The following CDH9 variants were observed in gnomAD, a reference collection of about 807,000 sequenced individuals.
The protein encoded by CDH9 is cadherin-9.
In CDH9, 28 loss-of-function variants were observed where a neutral mutation model predicts 70.9. That is an observed-to-expected ratio of 0.40 (90% CI 0.29 to 0.54). CDH9 has a LOEUF of 0.54. Among genes scored for constraint, CDH9 ranks in the 20% least tolerant of loss-of-function variants. The pLI, the probability that CDH9 is intolerant of heterozygous loss-of-function variation, is 0.59. For missense variants in CDH9, 874 were observed against 984.4 expected (o/e 0.89, Z 1.50); for synonymous variants, 409 against 343.1 (o/e 1.19, Z -2.12).
rs62346445 is a variant in CDH9 at position 26,960,062 on chromosome 5, A to T, written c.228+28044T>A. Among the ~76,000 whole-genome samples the T allele has an allele frequency of 2.0e-3, 307 of 152,064 alleles. 2 individuals are homozygous for T. The highest frequency in any genetic ancestry group is 4.6e-3 in the South Asian group (22 of 4,820). On this transcript the variant is annotated intron_variant, in intron 2 of 11. Coordinates refer to ENST00000231021, the MANE Select transcript of CDH9 (RefSeq NM_016279.4). ...AAATTTATGTAACATAGGAATTTGG[A>T]TCGTCTTTAATTCTTTTTCTCTTCT... is the stretch of plus-strand genomic sequence containing the variant.
intron 1 of CDH9, among the ~76,000 whole-genome samples, chr5:27,036,229 G>C (rs1361521511): frequency 6.6e-6 from 1 of 151,766 alleles, no homozygotes; most frequent in Non-Finnish European, 1.5e-5. Flanking sequence ...ATCTTACTTG[G>C]TGAATGTACC....
rs532919172 is a variant in CDH9, at chr5:26,903,097, T to A, written c.1000-368A>T. ...ATAAAATAGAAGTATAGAATAAAAATTATTTCTACTTCAATTATTTGAGCA... is the reference window on the plus strand; with the variant it reads ...ATAAAATAGAAGTATAGAATAAAAAATATTTCTACTTCAATTATTTGAGCA... On this transcript the variant is annotated intron_variant, in intron 6 of 11. Coordinates refer to ENST00000231021, the MANE Select transcript of CDH9 (RefSeq NM_016279.4). 1.4e-4 allele frequency: 27 copies of A among 193,150 alleles called. No individual in the cohort carries two copies. The South Asian group carries it at 2.5e-3, about 18-fold the overall frequency. The allele number at this position is 193,150 out of a possible 1,614,324, so 12.0% of individuals were successfully genotyped here. A position where few individuals can be genotyped will look rare whatever the true frequency, so the allele number is the denominator to read the frequency against.
At chr5:26,883,095 A>ATATATATATAT (rs1491220387) in intron 11 of CDH9, among the ~76,000 whole-genome samples, 1 of 123,688 alleles carries the variant, frequency 8.1e-6, no homozygotes, top group African/African-American at 3.3e-5. Context: ...ATATATATAT[A>ATATATATATAT]AAACTGCAGT....
chr5:26,998,818 TCAC>T (rs1170523700), intron 1 of CDH9, among the ~76,000 whole-genome samples: 1 of 152,160 alleles, frequency 6.6e-6, no homozygotes, highest in Non-Finnish European at 1.5e-5. Flanking sequence ...GTATTCAATT[TCAC>T]CACATCCTAC....
intron 2 of CDH9, among the ~76,000 whole-genome samples, chr5:26,948,586 A>G (rs1209970840): frequency 1.3e-5 from 2 of 152,184 alleles, no homozygotes; most frequent in African/African-American, 4.8e-5. Context: ...GAGAGAATGC[A>G]TTTACAAGTT....
chr5:26,997,989 T>C (rs945797074), intron 1 of CDH9, among the ~76,000 whole-genome samples: 2 of 152,136 alleles, frequency 1.3e-5, no homozygotes, highest in African/African-American at 4.8e-5. Flanking sequence ...TGAGCCACCA[T>C]GCCTGATTGG....
At chr5:26,949,009 A>C (rs1242142308) in intron 2 of CDH9, among the ~76,000 whole-genome samples, 1 of 152,212 alleles carries the variant, frequency 6.6e-6, no homozygotes, top group Non-Finnish European at 1.5e-5. Context: ...CTTGCCTTAA[A>C]TACATTCTTT....
At chr5:26,980,040 T>C (rs1262452964) in intron 2 of CDH9, among the ~76,000 whole-genome samples, 2 of 151,860 alleles carry the variant, frequency 1.3e-5, no homozygotes, top group Non-Finnish European at 3.0e-5. Flanking sequence ...TTCCTAAGAA[T>C]ACTATACCCA....
intron 1 of CDH9, among the ~76,000 whole-genome samples, chr5:27,004,196 T>C (rs1020395517): frequency 2.0e-5 from 3 of 150,848 alleles, no homozygotes; most frequent in Non-Finnish European, 4.4e-5. Context: ...TGAGACATGA[T>C]GATATCAATG....
At chr5:26,994,794 C>T (rs1294513179) in intron 1 of CDH9, among the ~76,000 whole-genome samples, 2 of 152,104 alleles carry the variant, frequency 1.3e-5, no homozygotes, top group Admixed American at 1.3e-4. Context: ...TCCATATGTG[C>T]CAACTTGAAG....
chr5:26,978,594 A>G (rs1742343651), intron 2 of CDH9, among the ~76,000 whole-genome samples: 1 of 151,714 alleles, frequency 6.6e-6, no homozygotes, highest in South Asian at 2.1e-4. Flanking sequence ...TTTTTTTTAA[A>G]TGCTCATTTA....
At position 26,902,584 on chromosome 5, in the gene CDH9, A is replaced by G; in HGVS notation, c.1145T>C (p.Val382Ala). The G allele has an allele frequency of 6.2e-7, 1 of 1,600,590 alleles. No homozygotes were observed. ...ISVEDIDEPP[V>A]FTKVSYLIEV... ...TATCAAGTAAGAGACTTTAGTGAAC[A>G]CAGGAGGCTCATCTATATCTTCCAC... Residue 382 changes from valine (V) to alanine (A), a missense_variant, in exon 7 of 12, where the codon GTG (valine) becomes GCG (alanine). Val to Ala is a moderately conservative substitution (Grantham distance 64). Transcript: ENST00000231021.
chr5:26,908,298 C>T (rs573375901), intron 3 of CDH9, among the ~76,000 whole-genome samples: 48 of 151,612 alleles, frequency 3.2e-4, no homozygotes, highest in African/African-American at 1.0e-3. Flanking sequence ...TTTACATTCC[C>T]CCCACACAAA....
chr5:27,035,921 G>T (rs577672082), intron 1 of CDH9, among the ~76,000 whole-genome samples: 1 of 151,696 alleles, frequency 6.6e-6, no homozygotes, highest in East Asian at 1.9e-4. Context: ...TATCTATCTA[G>T]ACTGTTTACT....
At chr5:26,950,369 A>C (rs759582307) in intron 2 of CDH9, among the ~76,000 whole-genome samples, 1 of 152,218 alleles carries the variant, frequency 6.6e-6, no homozygotes, top group Non-Finnish European at 1.5e-5. Context: ...ATGATGAACA[A>C]AGCATTTGAT....
At chr5:26,937,084 T>C (rs1433832199) in intron 2 of CDH9, among the ~76,000 whole-genome samples, 1 of 152,030 alleles carries the variant, frequency 6.6e-6, no homozygotes, top group Admixed American at 6.6e-5. Context: ...AGTGCTAGGG[T>C]AATATAAAGA....
At chr5:26,977,483 G>GTGTATATATATATATATATACATATA (rs1742321096) in intron 2 of CDH9, among the ~76,000 whole-genome samples, 1 of 141,464 alleles carries the variant, frequency 7.1e-6, no homozygotes, top group African/African-American at 2.9e-5. Context: ...GTGTGTGTGT[G>GTGTATATATATATATATATACATATA]TGTATATATA....
intron 6 of CDH9, chr5:26,903,030 T>C (rs1400534472): frequency 4.2e-6 from 1 of 237,472 alleles, no homozygotes; most frequent in Non-Finnish European, 8.1e-6. Flanking sequence ...ACATTATGTA[T>C]TATCATTATT....
At chr5:26,976,903 TTGTA>T (rs1254656044) in intron 2 of CDH9, among the ~76,000 whole-genome samples, 1 of 151,954 alleles carries the variant, frequency 6.6e-6, no homozygotes, top group Non-Finnish European at 1.5e-5. Context: ...ATCTGTATTA[TTGTA>T]TGTATTATAT....
Sources: gnomAD v4.1 joint callset for allele counts (sites outside exome capture counted in the v4.1 genomes callset) on GRCh38, gnomAD v4.1.1 for gene constraint, MANE v1.5 for transcripts, NCBI Gene and HGNC (gene_info 2026-07-23, HGNC 2026-07-21) for gene names.